CEP63: variants seen among roughly 807,000 people sequenced by gnomAD.
The protein encoded by CEP63 is centrosomal protein 63.
Under a neutral mutation model 89.1 loss-of-function variants are expected in CEP63, and 84 were observed. The ratio of observed to expected loss-of-function variants is 0.94; its 90% confidence interval spans 0.79 to 1.13. The LOEUF (loss-of-function observed/expected upper bound fraction) is 1.13. CEP63 is among the 50% of genes most tolerant of loss of function. CEP63 has a pLI of 0.00. For synonymous variants in CEP63, 267 were observed against 272.5 expected, an observed-to-expected ratio of 0.98 and a Z score of 0.20; for missense variants, 838 against 813.3, an observed-to-expected ratio of 1.03 and a Z score of -0.37.
the CEP63 span, among the ~76,000 whole-genome samples, chr3:134,727,745 G>A: frequency 4.5e-4 from 68 of 152,290 alleles, no homozygotes; most frequent in African/African-American, 1.5e-3. Context: ...AATACTCTGG[G>A]TGAAACAGAA....
In CEP63 at chr3:134,558,293, G is replaced by A. The variant is rs1956654644; in HGVS notation, c.1619G>A (p.Arg540Lys). 1.9e-6 allele frequency: 3 copies of A among 1,613,658 alleles called. No homozygotes were observed. The highest frequency in any genetic ancestry group is 1.3e-5 in the African/African-American group (1 of 74,884). The change falls in exon 13 of 15, where the codon AGG becomes AAG. Residue 540 changes from arginine to lysine, a missense_variant. By Grantham distance (26) the Arg-to-Lys change is conservative. Coordinates refer to ENST00000675561, the MANE Select transcript of CEP63 (RefSeq NM_001353108.3). ...CAGATGTGCAAAAAACAAAATGACA[G>A]GATCTTTAAACCAACACACAGCAGA... ...STQMCKKQNDRIFKPTHSRTT... is the reference protein window; with the variant it reads ...STQMCKKQNDKIFKPTHSRTT...
the CEP63 span, among the ~76,000 whole-genome samples, chr3:134,724,223 G>A: frequency 6.6e-6 from 1 of 152,330 alleles, no homozygotes; most frequent in Middle Eastern, 3.4e-3. Flanking sequence ...AAGGTAAGAA[G>A]TTTTAAATAC....
chr3:134,773,324 G>C, the CEP63 span, among the ~76,000 whole-genome samples: 1 of 152,224 alleles, frequency 6.6e-6, no homozygotes, highest in Admixed American at 6.5e-5. Context: ...GCCAGAGCCA[G>C]ACTCTTTAGG....
At chr3:134,625,684 T>C in the CEP63 span, among the ~76,000 whole-genome samples, 1 of 152,156 alleles carries the variant, frequency 6.6e-6, no homozygotes, top group Non-Finnish European at 1.5e-5. Context: ...GCGAGGTGCG[T>C]TTGGCACCCA....
At chr3:134,594,401 G>T in the CEP63 span, among the ~76,000 whole-genome samples, 10 of 152,100 alleles carry the variant, frequency 6.6e-5, no homozygotes, top group African/African-American at 1.2e-4. Flanking sequence ...GCGAAATGAT[G>T]GCTGATTCGT....
chr3:134,528,741 C>G (rs1328854783), intron 3 of CEP63, among the ~76,000 whole-genome samples: 1 of 151,970 alleles, frequency 6.6e-6, no homozygotes, highest in Admixed American at 6.6e-5. Flanking sequence ...TCCCTTTTTT[C>G]TTCTGTCTTT....
At chr3:134,619,636 C>T in the CEP63 span, among the ~76,000 whole-genome samples, 1 of 152,226 alleles carries the variant, frequency 6.6e-6, no homozygotes. Context: ...CTCATGCTGA[C>T]CCATGGGGCA....
At chr3:134,681,634 G>A in the CEP63 span, among the ~76,000 whole-genome samples, 1 of 152,224 alleles carries the variant, frequency 6.6e-6, no homozygotes, top group Non-Finnish European at 1.5e-5. Context: ...AAAACTGTTT[G>A]GAGTTTATCC....
At chr3:134,486,551 G>C (rs1269249786) in intron 1 of CEP63, 23 of 985,162 alleles carry the variant, frequency 2.3e-5, no homozygotes, top group African/African-American at 1.7e-5. Flanking sequence ...TTCGGAGAGT[G>C]GCCAGGTGGG....
At chr3:134,498,996 G>A (rs1400968119) in intron 2 of CEP63, among the ~76,000 whole-genome samples, 1 of 152,090 alleles carries the variant, frequency 6.6e-6, no homozygotes, top group Non-Finnish European at 1.5e-5. Context: ...GCATGTAGTT[G>A]TCTTCTTTTG....
chr3:134,581,865 C>T (rs1378039580), intron 10 of CEP63, among the ~76,000 whole-genome samples: 5 of 150,878 alleles, frequency 3.3e-5, no homozygotes, highest in Non-Finnish European at 7.4e-5. Context: ...TTAGTAGAGA[C>T]GGGGTTTCAC....
the CEP63 span, among the ~76,000 whole-genome samples, chr3:134,631,690 A>G: frequency 6.6e-6 from 1 of 152,184 alleles, no homozygotes; most frequent in African/African-American, 2.4e-5. Flanking sequence ...TACATATAAT[A>G]CATACAAAAA....
chr3:134,555,393 T>C (rs1167075394), intron 12 of CEP63, among the ~76,000 whole-genome samples: 1 of 151,628 alleles, frequency 6.6e-6, no homozygotes. Context: ...CAGCCCAAAA[T>C]CTCCTTAAGC....
the CEP63 span, among the ~76,000 whole-genome samples, chr3:134,749,599 T>G: frequency 6.8e-6 from 1 of 147,350 alleles, no homozygotes; most frequent in Admixed American, 6.9e-5. Flanking sequence ...AGATGAAGGG[T>G]CTGTGTGTGC....
At chr3:134,776,937 T>C in the CEP63 span, among the ~76,000 whole-genome samples, 1 of 152,218 alleles carries the variant, frequency 6.6e-6, no homozygotes, top group African/African-American at 2.4e-5. Flanking sequence ...CTGGTGCTTT[T>C]TGGGGATCCA....
the CEP63 span, among the ~76,000 whole-genome samples, chr3:134,672,405 T>A: frequency 1.3e-5 from 2 of 152,176 alleles, no homozygotes; most frequent in Non-Finnish European, 2.9e-5. Flanking sequence ...CCAAGAAACA[T>A]TTTGCTAGCT....
intron 12 of CEP63, among the ~76,000 whole-genome samples, chr3:134,557,372 A>ATTTTTTTTTTTT (rs1488699483): frequency 9.9e-5 from 5 of 50,438 alleles, no homozygotes; most frequent in African/African-American, 3.7e-4. Context: ...TACTTTCATA[A>ATTTTTTTTTTTT]TTTGTTTTTT....
At chr3:134,610,482 G>T in the CEP63 span, 1 of 982,862 alleles carries the variant, frequency 1.0e-6, no homozygotes. Context: ...CTGCCCATCA[G>T]TCCTCCCTGT....
At chr3:134,653,730 T>C in the CEP63 span, among the ~76,000 whole-genome samples, 1 of 152,096 alleles carries the variant, frequency 6.6e-6, no homozygotes, top group African/African-American at 2.4e-5. Flanking sequence ...TCCCTTCTGC[T>C]CAAATCCTCC....
Sources: allele counts gnomAD v4.1 joint callset (sites outside exome capture counted in the v4.1 genomes callset), GRCh38; gene constraint gnomAD v4.1.1; transcripts MANE v1.5; gene names NCBI Gene and HGNC (gene_info 2026-07-23, HGNC 2026-07-21).